TRRAP: variants seen among roughly 807,000 people sequenced by gnomAD.
TRRAP encodes the protein transformation/transcription domain associated protein.
A neutral mutation model predicts 438.8 loss-of-function variants in TRRAP; 41 were observed. The ratio of observed to expected loss-of-function variants is 0.09; its 90% CI spans 0.07 to 0.12. TRRAP has a LOEUF of 0.12. Among genes scored for constraint, TRRAP ranks in the 10% least tolerant of loss-of-function variants. The pLI is 1.00. For missense variants in TRRAP, 3,122 were observed against 5,055.1 expected, an observed-to-expected ratio of 0.62 and a Z score of 11.60; for synonymous variants, 1,994 against 1,962.9, an observed-to-expected ratio of 1.02 and a Z score of -0.42.
chr7:98,964,769 A>G lies in TRRAP; in HGVS notation c.6970A>G (p.Thr2324Ala), dbSNP rs752506311. Residue 2324 changes from threonine (T) to alanine (A), a missense_variant, in exon 48 of 73, where the codon ACC becomes GCC. This residue lies in a region of TRRAP where 992 missense variants were observed against 1,281.2 expected (regional missense o/e 0.77). Coordinates refer to ENST00000456197, the MANE Select transcript of TRRAP (RefSeq NM_001375524.1). ...PQAASGSTEA[T>A]SGTSELVMLS... ...GGCAGCGTCAGGAAGCACCGAAGCCACCTCAGGTGATGTGCTGGCCACCGG... is the reference window on the plus strand; with the variant it reads ...GGCAGCGTCAGGAAGCACCGAAGCCGCCTCAGGTGATGTGCTGGCCACCGG... 6.2e-7 allele frequency: 1 copy of G among 1,612,210 alleles called. No homozygotes were observed.
At position 98,989,105 on chromosome 7, in the gene TRRAP, C is replaced by T. The variant is rs1584397390; in HGVS notation, c.9591+139C>T. The T allele has an allele frequency of 2.3e-5, 21 of 918,310 alleles. 1 individual carries two copies. In the South Asian group the frequency reaches 3.0e-4, roughly 13 times the overall value. The allele number at this position is 918,310 out of a possible 1,614,324, so 56.9% of individuals were successfully genotyped here. On this transcript the variant is annotated intron_variant, in intron 63 of 72. Transcript: ENST00000456197. Reference sequence around the variant, plus strand: ...TTAACTCTTAATCCTCATCACTGTTCGAAGTATCTTTCACAGTTCCATTTC... The same window carrying T: ...TTAACTCTTAATCCTCATCACTGTTTGAAGTATCTTTCACAGTTCCATTTC...
At chr7:98,879,283 C>A (rs569009606) in intron 1 of TRRAP, among the ~76,000 whole-genome samples, 1 of 152,322 alleles carries the variant, frequency 6.6e-6, no homozygotes, top group African/African-American at 2.4e-5. Flanking sequence ...CGGCCAGGGC[C>A]CCCCAGGCTC....
intron 8 of TRRAP, 92 bp from the exon 9 acceptor site, chr7:98,899,330 C>A: frequency 2.9e-6 from 3 of 1,030,838 alleles, no homozygotes; most frequent in South Asian, 2.8e-5. Flanking sequence ...TCCGTTCTCT[C>A]TCTTTCAGTG....
chr7:98,918,060 G>A (rs1031813731), intron 20 of TRRAP, among the ~76,000 whole-genome samples: 7 of 151,320 alleles, frequency 4.6e-5, no homozygotes, highest in Non-Finnish European at 7.4e-5. Context: ...GGTTGAGGCT[G>A]CAGCGAGGCA....
At chr7:98,926,061 T>C (rs1554411485) in intron 22 of TRRAP, among the ~76,000 whole-genome samples, 1 of 152,080 alleles carries the variant, frequency 6.6e-6, no homozygotes, top group African/African-American at 2.4e-5. Context: ...CTATAAAAAT[T>C]GCCCAAAAAC....
chr7:98,938,288 G>A (rs954746807), intron 30 of TRRAP, among the ~76,000 whole-genome samples: 1 of 152,178 alleles, frequency 6.6e-6, no homozygotes, highest in Non-Finnish European at 1.5e-5. Flanking sequence ...GCAGTGAGCC[G>A]AGATGGCATC....
At chr7:98,970,393 G>GGT in intron 52 of TRRAP, 102 bp downstream of exon 52, 2 of 1,423,092 alleles carry the variant, frequency 1.4e-6, no homozygotes, top group Non-Finnish European at 1.9e-6. Context: ...TGCCCCACGG[G>GGT]CAGAATCCCA....
chr7:98,924,784 A>C (rs1458128859), intron 21 of TRRAP, among the ~76,000 whole-genome samples: 1 of 150,150 alleles, frequency 6.7e-6, no homozygotes. Flanking sequence ...CGGGCAGATC[A>C]CGAGGTCAGG....
Position 98,933,339 on chromosome 7 carries a change from G to A in TRRAP, c.3951G>A (p.Thr1317=), listed in dbSNP as rs782334191. 12 of 1,614,030 alleles carry A rather than the reference G, an allele frequency of 7.4e-6. No individual in the cohort carries two copies. Among genetic ancestry groups the A allele is most frequent in the Non-Finnish European group, 9.3e-6 (11 of 1,180,050 alleles). The change falls in exon 27 of 73, where the codon ACG becomes ACA. Residue 1317 remains threonine, a synonymous_variant. Coordinates refer to ENST00000456197, the MANE Select transcript of TRRAP (RefSeq NM_001375524.1). The part of the protein sequence containing the change: ...GLMEGNTFCT[T]LQPRLFTMDL... ...TGGAGGGGAACACGTTCTGTACCAC[G>A]TTGCAGCCCAGGCTCTTCACAATGG...
intron 56 of TRRAP, among the ~76,000 whole-genome samples, chr7:98,977,989 CTG>C (rs964890272): frequency 6.6e-6 from 1 of 152,176 alleles, no homozygotes; most frequent in African/African-American, 2.4e-5. Flanking sequence ...AGTGAAAAGG[CTG>C]TGTTTCTTAG....
rs764523180 is a variant in TRRAP, at chr7:98,978,285, T to C, written c.8460T>C (p.Ile2820=). The C allele has an allele frequency of 1.9e-5, 30 of 1,614,096 alleles. No homozygotes were observed. The highest frequency in any genetic ancestry group is 3.3e-4 in the Middle Eastern group (2 of 6,084). The change falls in exon 57 of 73, where the codon ATT becomes ATC. Residue 2820 remains isoleucine (I), a synonymous_variant. Coordinates refer to ENST00000456197, the MANE Select transcript of TRRAP (RefSeq NM_001375524.1). ...AGAGGAGTAACGCCTCCCCTGCTAT[T>C]TTCCCTGAATACCAGCTCTGGGAAG... The part of the protein sequence containing the change: ...EHERSNASPA[I]FPEYQLWEDH...
At chr7:98,967,408 A>C (rs1792204568) in intron 50 of TRRAP, 77 bp from the exon 51 acceptor site, 11 of 1,509,778 alleles carry the variant, frequency 7.3e-6, no homozygotes, top group Non-Finnish European at 1.0e-5. Context: ...GTTCACATCC[A>C]CGTTCACCTG....
At chr7:98,993,067 T>C (rs1793499160) in intron 65 of TRRAP, among the ~76,000 whole-genome samples, 1 of 152,246 alleles carries the variant, frequency 6.6e-6, no homozygotes, top group Non-Finnish European at 1.5e-5. Flanking sequence ...TGCAATTGGC[T>C]TGGCTTTCCA....
chr7:98,941,925 A>G (rs1381715941), intron 30 of TRRAP, among the ~76,000 whole-genome samples: 12 of 152,204 alleles, frequency 7.9e-5, no homozygotes, highest in African/African-American at 2.9e-4. Context: ...AGGTGTCCAA[A>G]CCATTGTTCC....
chr7:98,897,782 A>C lies in TRRAP; in HGVS notation c.549A>C (p.Thr183=). 1 of 1,614,026 alleles carries C rather than the reference A, an allele frequency of 6.2e-7. No homozygotes were observed. The highest frequency in any genetic ancestry group is 1.6e-4 in the Middle Eastern group (1 of 6,062). Reference sequence around the variant, plus strand: ...ACCCTCAAGTGATCCCCGAGAACACAGTGCCTCCCCCAGAAATGGTTGGTA... The same window carrying C: ...ACCCTCAAGTGATCCCCGAGAACACCGTGCCTCCCCCAGAAATGGTTGGTA... ...FENPQVIPEN[T]VPPPEMVGMI... The change falls in exon 8 of 73, where the codon ACA becomes ACC. Residue 183 remains threonine, a synonymous_variant. Transcript: ENST00000456197.
intron 61 of TRRAP, 130 bp from the exon 62 acceptor site, chr7:98,984,814 A>G (rs762511055): frequency 2.7e-5 from 15 of 550,580 alleles, no homozygotes; most frequent in African/African-American, 3.8e-5. Context: ...ATGGTAGGCA[A>G]ATCTTTTGTC....
At chr7:98,942,836 A>C (rs1249443889) in intron 30 of TRRAP, 113 bp from the exon 31 acceptor site, 12 of 1,122,752 alleles carry the variant, frequency 1.1e-5, no homozygotes, top group Non-Finnish European at 1.4e-5. Flanking sequence ...TTAATAATGG[A>C]AACACTGCAG....
intron 53 of TRRAP, among the ~76,000 whole-genome samples, chr7:98,972,420 G>A (rs1200792499): frequency 3.3e-5 from 5 of 152,188 alleles, no homozygotes; most frequent in East Asian, 1.9e-4. Context: ...CGGTAAAACC[G>A]TGTACAAAAA....
At chr7:98,905,048 A>T (rs1461000339) in intron 12 of TRRAP, among the ~76,000 whole-genome samples, 1 of 152,170 alleles carries the variant, frequency 6.6e-6, no homozygotes, top group Non-Finnish European at 1.5e-5. Context: ...CATGGAAAGG[A>T]TCTGGAAAGT....
Sources: allele counts gnomAD v4.1 joint callset (sites outside exome capture counted in the v4.1 genomes callset), GRCh38; gene constraint gnomAD v4.1.1; regional missense constraint gnomAD v4.1.1; transcripts MANE v1.5; gene names NCBI Gene and HGNC (gene_info 2026-07-23, HGNC 2026-07-21).